The following ZFPM2 variants were observed in gnomAD, a reference collection of about 807,000 sequenced individuals.
ZFPM2 encodes zinc finger protein ZFPM2.
In ZFPM2, 20 loss-of-function variants were observed where a neutral mutation model predicts 98.6. The ratio of observed to expected loss-of-function variants is 0.20; its 90% CI spans 0.14 to 0.29. The LOEUF (loss-of-function observed/expected upper bound fraction) is 0.29. Among genes scored for constraint, ZFPM2 ranks in the 10% least tolerant of loss-of-function variants. The pLI is 1.00. For synonymous variants in ZFPM2, 518 were observed against 502.7 expected (o/e 1.03, Z -0.41); for missense variants, 1,310 against 1,388.6 (o/e 0.94, Z 0.90).
At chr8:105,586,684 G>C (rs1815724175) in intron 4 of ZFPM2, among the ~76,000 whole-genome samples, 1 of 151,646 alleles carries the variant, frequency 6.6e-6, no homozygotes, top group Non-Finnish European at 1.5e-5. Flanking sequence ...GCCTTCCAAA[G>C]TGCTGGGATT....
rs75969444 is a variant in ZFPM2, at chr8:105,342,319, G to A, written c.40+23338G>A. On this transcript the variant is annotated intron_variant, in intron 1 of 7. Coordinates refer to ENST00000407775, the MANE Select transcript of ZFPM2 (RefSeq NM_012082.4). ...ATTCAGCCCACAAGGATTAAGAGGT[G>A]AAAGCAGGTATTGTCATATTCTCAT... Among the ~76,000 whole-genome samples the A allele has an allele frequency of 3.4e-4, 51 of 152,114 alleles. No individual in the cohort carries two copies. The East Asian group carries it at 9.9e-3, about 29-fold the overall frequency.
chr8:105,388,913 T>C (rs1309551096), intron 1 of ZFPM2, among the ~76,000 whole-genome samples: 1 of 151,960 alleles, frequency 6.6e-6, no homozygotes, highest in African/African-American at 2.4e-5. Context: ...ACTGTAGCAA[T>C]AGTCCAGAGA....
intron 5 of ZFPM2, among the ~76,000 whole-genome samples, chr8:105,650,229 T>G (rs1216930038): frequency 1.3e-5 from 2 of 152,188 alleles, no homozygotes; most frequent in Admixed American, 1.3e-4. Context: ...GATATCCCTT[T>G]TATCACTTTT....
At chr8:105,772,842 T>C (rs1314694577) in intron 5 of ZFPM2, among the ~76,000 whole-genome samples, 1 of 152,208 alleles carries the variant, frequency 6.6e-6, no homozygotes, top group Non-Finnish European at 1.5e-5. Flanking sequence ...GGTGAGTTTA[T>C]GTTATACTTC....
intron 3 of ZFPM2, among the ~76,000 whole-genome samples, chr8:105,520,921 C>G (rs1040618231): frequency 4.6e-5 from 7 of 152,080 alleles, no homozygotes; most frequent in African/African-American, 1.7e-4. Flanking sequence ...TAATAGACAT[C>G]TGTCTACAAG....
At chr8:105,607,478 A>T (rs1002641840) in intron 4 of ZFPM2, among the ~76,000 whole-genome samples, 1 of 152,058 alleles carries the variant, frequency 6.6e-6, no homozygotes, top group African/African-American at 2.4e-5. Flanking sequence ...CTCCCAATTA[A>T]TGAGTTATGT....
chr8:105,679,175 C>T (rs188952104), intron 5 of ZFPM2: 79 of 152,182 alleles, frequency 5.2e-4, no homozygotes, highest in African/African-American at 1.9e-3. Context: ...TAATTATTGC[C>T]ATCATTTAAA....
At chr8:105,666,046 A>G (rs1817482410) in intron 5 of ZFPM2, among the ~76,000 whole-genome samples, 1 of 147,754 alleles carries the variant, frequency 6.8e-6, no homozygotes, top group South Asian at 2.1e-4. Context: ...TATTTGAATC[A>G]TTGATATTAT....
chr8:105,786,217 C>T (rs1052691896), intron 5 of ZFPM2, among the ~76,000 whole-genome samples: 1 of 152,012 alleles, frequency 6.6e-6, no homozygotes, highest in Non-Finnish European at 1.5e-5. Context: ...GCTGTTTTAC[C>T]TCTATTTGTT....
At chr8:105,693,022 A>G (rs1281338529) in intron 5 of ZFPM2, among the ~76,000 whole-genome samples, 2 of 152,208 alleles carry the variant, frequency 1.3e-5, no homozygotes. Context: ...GTGGGCAACT[A>G]CTGAAATGGG....
At chr8:105,553,921 T>C (rs1023684922) in intron 3 of ZFPM2, among the ~76,000 whole-genome samples, 1 of 152,130 alleles carries the variant, frequency 6.6e-6, no homozygotes, top group African/African-American at 2.4e-5. Context: ...AGTGACAACT[T>C]CCAACAGTAG....
chr8:105,745,704 A>C (rs12545480), intron 5 of ZFPM2, among the ~76,000 whole-genome samples: 1 of 152,082 alleles, frequency 6.6e-6, no homozygotes, highest in African/African-American at 2.4e-5. Flanking sequence ...TTAATGTCCA[A>C]TTATGCACAG....
At chr8:105,467,628 T>C (rs1812818179) in intron 3 of ZFPM2, among the ~76,000 whole-genome samples, 1 of 152,106 alleles carries the variant, frequency 6.6e-6, no homozygotes, top group African/African-American at 2.4e-5. Context: ...GTAGTTACCA[T>C]GTCACCATTA....
At chr8:105,473,621 T>C (rs1452486667) in intron 3 of ZFPM2, among the ~76,000 whole-genome samples, 2 of 152,162 alleles carry the variant, frequency 1.3e-5, no homozygotes, top group East Asian at 1.9e-4. Flanking sequence ...TTAAAAGCCA[T>C]TGAGTTAAGA....
chr8:105,429,255 A>ACCCTTGTTCTG (rs1811971944), intron 2 of ZFPM2, among the ~76,000 whole-genome samples: 1 of 152,064 alleles, frequency 6.6e-6, no homozygotes, highest in Non-Finnish European at 1.5e-5. Context: ...CAGGCAAGTT[A>ACCCTTGTTCTG]GCCAATACTG....
At chr8:105,788,361 C>T (rs188732904) in intron 5 of ZFPM2, among the ~76,000 whole-genome samples, 365 of 152,260 alleles carry the variant, frequency 2.4e-3, no homozygotes, top group Middle Eastern at 0.01. Context: ...TAAATTTCAG[C>T]AGTTGGGTCT....
At chr8:105,596,605 G>A (rs771515012) in intron 4 of ZFPM2, among the ~76,000 whole-genome samples, 3 of 151,922 alleles carry the variant, frequency 2.0e-5, no homozygotes, top group Non-Finnish European at 2.9e-5. Context: ...AGCTTCTTTT[G>A]TGTATCAGTG....
intron 5 of ZFPM2, among the ~76,000 whole-genome samples, chr8:105,779,258 A>G (rs1813187157): frequency 6.6e-6 from 1 of 152,154 alleles, no homozygotes; most frequent in African/African-American, 2.4e-5. Flanking sequence ...CAAAATCTAA[A>G]TGTGATTTAA....
intron 2 of ZFPM2, among the ~76,000 whole-genome samples, chr8:105,443,711 G>T (rs924061184): frequency 3.3e-5 from 5 of 152,112 alleles, no homozygotes; most frequent in African/African-American, 1.2e-4. Flanking sequence ...TAGGTTTATA[G>T]TTTCTTTTAT....
Sources: allele counts gnomAD v4.1 joint callset (sites outside exome capture counted in the v4.1 genomes callset), GRCh38; gene constraint gnomAD v4.1.1; transcripts MANE v1.5; gene names NCBI Gene and HGNC (gene_info 2026-07-23, HGNC 2026-07-21).